The following RORB variants were observed in gnomAD, a reference collection of about 807,000 sequenced individuals.
RORB encodes nuclear receptor ROR-beta.
RORB carries 6 observed loss-of-function variants against 59.1 expected under a neutral mutation model. That is an observed-to-expected ratio of 0.10 (90% confidence interval 0.06 to 0.20). The LOEUF (loss-of-function observed/expected upper bound fraction) is 0.20, where lower values mean the gene tolerates loss of function less well. Ranked by LOEUF, RORB falls within the 10% of genes least tolerant of loss-of-function variation. RORB has a pLI of 1.00. For synonymous variants in RORB, 215 were observed against 204.5 expected (o/e 1.05, Z -0.44); for missense variants, 320 against 560.5 (o/e 0.57, Z 4.33).
intron 9 of RORB, among the ~76,000 whole-genome samples, chr9:74,676,021 G>A (rs1370070025): frequency 1.3e-5 from 2 of 152,220 alleles, no homozygotes; most frequent in Non-Finnish European, 2.9e-5. Flanking sequence ...GGTGCAGAGG[G>A]TAGAGGATAA....
intron 1 of RORB, among the ~76,000 whole-genome samples, chr9:74,531,707 A>G (rs959308758): frequency 9.2e-5 from 14 of 152,018 alleles, no homozygotes; most frequent in Non-Finnish European, 1.8e-4. Context: ...TACATTTTTT[A>G]ATGATATCTT....
intron 1 of RORB, among the ~76,000 whole-genome samples, chr9:74,594,001 T>C (rs983262099): frequency 6.6e-6 from 1 of 152,188 alleles, no homozygotes; most frequent in Non-Finnish European, 1.5e-5. Flanking sequence ...TGTAATATAT[T>C]TTAGAAAGCG....
At chr9:74,672,817 G>T (rs1824370307) in intron 9 of RORB, among the ~76,000 whole-genome samples, 1 of 152,050 alleles carries the variant, frequency 6.6e-6, no homozygotes, top group Admixed American at 6.6e-5. Context: ...TTAAGAAATT[G>T]AGCTTATTCT....
At chr9:74,536,856 GAA>G (rs1312545111) in intron 1 of RORB, among the ~76,000 whole-genome samples, 6 of 151,968 alleles carry the variant, frequency 3.9e-5, no homozygotes, top group Non-Finnish European at 8.8e-5. Flanking sequence ...GAGAGAGAGA[GAA>G]AGAGAGAGAC....
intron 2 of RORB, 96 bp from the exon 3 acceptor site, chr9:74,634,535 A>T (rs1310835671): frequency 8.6e-7 from 1 of 1,157,090 alleles, no homozygotes; most frequent in African/African-American, 1.6e-5. Flanking sequence ...AAACTCAGTT[A>T]TGTTCACTGC....
At chr9:74,651,363 T>C (rs1052754470) in intron 4 of RORB, among the ~76,000 whole-genome samples, 2 of 152,084 alleles carry the variant, frequency 1.3e-5, no homozygotes, top group African/African-American at 4.8e-5. Context: ...GGAGAAACCC[T>C]GTCTCCACTA....
At chr9:74,621,892 A>G (rs1475944220) in intron 1 of RORB, among the ~76,000 whole-genome samples, 1 of 152,128 alleles carries the variant, frequency 6.6e-6, no homozygotes, top group Non-Finnish European at 1.5e-5. Flanking sequence ...GTCTATTCAG[A>G]TATTTTGCCA....
intron 9 of RORB, among the ~76,000 whole-genome samples, chr9:74,679,507 AT>A (rs911119077): frequency 3.9e-5 from 6 of 152,156 alleles, no homozygotes; most frequent in African/African-American, 1.4e-4. Context: ...AAGTTTTTAA[AT>A]TTCAAATCTA....
At chr9:74,545,203 G>T (rs1826468811) in intron 1 of RORB, among the ~76,000 whole-genome samples, 1 of 151,816 alleles carries the variant, frequency 6.6e-6, no homozygotes, top group African/African-American at 2.4e-5. Flanking sequence ...GGAGTTCATG[G>T]CTTAATTTAC....
chr9:74,529,153 A>G (rs577709127), intron 1 of RORB, among the ~76,000 whole-genome samples: 4 of 152,120 alleles, frequency 2.6e-5, no homozygotes, highest in African/African-American at 7.2e-5. Context: ...ATTTCCAAGC[A>G]TGGACTTTTA....
chr9:74,566,568 G>T (rs1822472766), intron 1 of RORB, among the ~76,000 whole-genome samples: 1 of 152,106 alleles, frequency 6.6e-6, no homozygotes, highest in East Asian at 1.9e-4. Flanking sequence ...AAGCCGAGGT[G>T]GGTGGATCAC....
At chr9:74,517,410 T>A (rs1664468749) in intron 1 of RORB, among the ~76,000 whole-genome samples, 1 of 151,956 alleles carries the variant, frequency 6.6e-6, no homozygotes, top group African/African-American at 2.4e-5. Context: ...ACAAGCCAAG[T>A]CAGTTGGCAG....
chr9:74,670,501 G>T (rs566169625), intron 8 of RORB, among the ~76,000 whole-genome samples: 10 of 151,822 alleles, frequency 6.6e-5, no homozygotes, highest in African/African-American at 2.2e-4. Context: ...CCTTTTTCTA[G>T]AAAAAAAACA....
At position 74,573,895 on chromosome 9, in the gene RORB, T is replaced by C. The variant is rs80171977; in HGVS notation, c.8-56387T>C. Among the ~76,000 whole-genome samples the C allele has an allele frequency of 4.8e-3, 734 of 152,196 alleles. 8 individuals are homozygous for C. The highest frequency in any genetic ancestry group is 0.017 in the African/African-American group (712 of 41,526). On this transcript the variant is annotated intron_variant, in intron 1 of 9. Coordinates refer to ENST00000376896, the MANE Select transcript of RORB (RefSeq NM_006914.4). ...GCAACTGTGTCTCTGGAGGATAACT[T>C]GGCTGGACAGGGTATCAAAGCTGCA...
chr9:74,662,313 A>G (rs926309642), intron 5 of RORB, among the ~76,000 whole-genome samples, 161 bp from the exon 6 acceptor site: 7 of 151,978 alleles, frequency 4.6e-5, no homozygotes, highest in East Asian at 3.9e-4. Flanking sequence ...TAACTTAGGG[A>G]AAAAAAATAA....
chr9:74,571,416 A>C lies in RORB; in HGVS notation c.8-58866A>C, dbSNP rs1031280703. On this transcript the variant is annotated intron_variant, in intron 1 of 9. Coordinates refer to ENST00000376896, the MANE Select transcript of RORB (RefSeq NM_006914.4). ...TACTTTCCTTTAAAAAAAAAAAAAA[A>C]ACACAGTTTTAATTACTAGAGTTGG... 3.4e-4 allele frequency among the ~76,000 whole-genome samples: 52 copies of C among 152,110 alleles called. 1 individual carries two copies. Among genetic ancestry groups the C allele is most frequent in the East Asian group, 3.3e-3 (17 of 5,178 alleles).
chr9:74,554,271 C>T (rs1463619316), intron 1 of RORB, among the ~76,000 whole-genome samples: 1 of 152,148 alleles, frequency 6.6e-6, no homozygotes, highest in Non-Finnish European at 1.5e-5. Flanking sequence ...CTCCTAGTGC[C>T]ATGTATTTGC....
At chr9:74,674,577 T>G (rs1368881587) in intron 9 of RORB, among the ~76,000 whole-genome samples, 1 of 152,208 alleles carries the variant, frequency 6.6e-6, no homozygotes, top group Non-Finnish European at 1.5e-5. Flanking sequence ...CCAACACACT[T>G]TCTACATGCC....
intron 1 of RORB, among the ~76,000 whole-genome samples, chr9:74,557,021 C>T (rs1242918069): frequency 6.6e-6 from 1 of 151,980 alleles, no homozygotes; most frequent in Non-Finnish European, 1.5e-5. Flanking sequence ...ATTCATTTCC[C>T]CCTTTTTTCT....
Sources: allele counts gnomAD v4.1 joint callset (sites outside exome capture counted in the v4.1 genomes callset), GRCh38; gene constraint gnomAD v4.1.1; transcripts MANE v1.5; gene names NCBI Gene and HGNC (gene_info 2026-07-23, HGNC 2026-07-21).